The following ITSN1 variants were observed in gnomAD, a reference collection of about 807,000 sequenced individuals.
The protein encoded by ITSN1 is intersectin 1.
ITSN1 carries 58 observed loss-of-function variants against 239.8 expected under a neutral mutation model. That is an observed-to-expected ratio of 0.24 (90% CI 0.20 to 0.30). The LOEUF is 0.30. Among genes scored for constraint, ITSN1 ranks in the 10% least tolerant of loss-of-function variants. The pLI is 1.00. For synonymous variants in ITSN1, 780 were observed against 770.8 expected (o/e 1.01, Z -0.20); for missense variants, 1,558 against 2,103.3 (o/e 0.74, Z 5.07).
At chr21:33,848,289 G>A (rs2075045490) in intron 29 of ITSN1, among the ~76,000 whole-genome samples, 1 of 152,228 alleles carries the variant, frequency 6.6e-6, no homozygotes, top group East Asian at 1.9e-4. Flanking sequence ...AATAAGAGGG[G>A]GAAATGTGGA....
chr21:33,689,568 G>T (rs543807788), intron 1 of ITSN1, among the ~76,000 whole-genome samples: 1 of 152,106 alleles, frequency 6.6e-6, no homozygotes, highest in Non-Finnish European at 1.5e-5. Context: ...CCTAGCTACC[G>T]TAGAGGCTAA....
intron 1 of ITSN1, among the ~76,000 whole-genome samples, chr21:33,682,209 CTTTCT>C (rs1163024080): frequency 1.3e-5 from 2 of 149,914 alleles, no homozygotes; most frequent in Non-Finnish European, 3.0e-5. Flanking sequence ...TAATTCCTTT[CTTTCT>C]TTTCTTTTTT....
At chr21:33,860,693 A>C (rs1482920822) in intron 31 of ITSN1, among the ~76,000 whole-genome samples, 1 of 152,178 alleles carries the variant, frequency 6.6e-6, no homozygotes, top group African/African-American at 2.4e-5. Context: ...CTAAAGTCAC[A>C]CAGTAGGGTG....
Position 33,895,607 on chromosome 21 carries a change from G to GTCTA in ITSN1, c.*7307_*7308insTCTA, listed in dbSNP as rs1986707823. The GTCTA allele has an allele frequency of 6.9e-6, 1 of 144,402 alleles. No individual in the cohort carries two copies. Among genetic ancestry groups the GTCTA allele is most frequent in the African/African-American group, 2.6e-5 (1 of 38,778 alleles). The allele number at this position is 144,402 out of a possible 1,614,324, so 8.9% of individuals were successfully genotyped here. On this transcript the variant is annotated 3_prime_UTR_variant, in exon 40 of 40. Coordinates refer to ENST00000381318, the MANE Select transcript of ITSN1 (RefSeq NM_003024.3). The stretch of plus-strand genomic sequence containing the variant: ...CATGTTTGTGAGTGCATGTGTTTGT[G>GTCTA]CGTGTGTGCGTATTTGTGTGTGTGC...
At chr21:33,648,741 G>T (rs1007267872) in intron 1 of ITSN1, among the ~76,000 whole-genome samples, 1 of 152,148 alleles carries the variant, frequency 6.6e-6, no homozygotes, top group African/African-American at 2.4e-5. Flanking sequence ...TACTAGGGAG[G>T]CTGAGGTGGG....
At chr21:33,697,234 A>ATTTT (rs11419453) in intron 1 of ITSN1, among the ~76,000 whole-genome samples, 9 of 121,678 alleles carry the variant, frequency 7.4e-5, no homozygotes, top group African/African-American at 1.6e-4. Context: ...CACCTGGCTA[A>ATTTT]TTTTTTTTTT....
chr21:33,771,087 T>C lies in ITSN1; in HGVS notation c.1043-974T>C, dbSNP rs115938965. On this transcript the variant is annotated intron_variant, in intron 11 of 39. Coordinates refer to ENST00000381318, the MANE Select transcript of ITSN1 (RefSeq NM_003024.3). The stretch of plus-strand genomic sequence containing the variant: ...AGCCAGGACTTTGAATTTTAAGATA[T>C]CAGAGTAGAGGATACCATCTCCTCT... 4.9e-3 allele frequency among the ~76,000 whole-genome samples: 746 copies of C among 152,230 alleles called. 4 individuals carry two copies. Among genetic ancestry groups the C allele is most frequent in the African/African-American group, 0.017 (702 of 41,532 alleles).
chr21:33,767,566 G>C (rs2068812685), intron 10 of ITSN1, 147 bp from the exon 11 acceptor site: 1 of 440,128 alleles, frequency 2.3e-6, no homozygotes, highest in Non-Finnish European at 4.1e-6. Flanking sequence ...TGTAAATAGA[G>C]AAGACCAAAT....
intron 4 of ITSN1, 62 bp from the exon 5 acceptor site, chr21:33,734,982 G>C (rs1043181127): frequency 6.9e-7 from 1 of 1,443,232 alleles, no homozygotes; most frequent in Non-Finnish European, 9.4e-7. Context: ...GGTGGGAGTG[G>C]TGGTTTTGGA....
At chr21:33,887,375 A>G (rs1416605218) in intron 39 of ITSN1, among the ~76,000 whole-genome samples, 1 of 152,084 alleles carries the variant, frequency 6.6e-6, no homozygotes, top group Non-Finnish European at 1.5e-5. Flanking sequence ...CTTAATTATA[A>G]CCGAAGAAGT....
intron 1 of ITSN1, among the ~76,000 whole-genome samples, chr21:33,677,537 G>A (rs563457981): frequency 3.6e-4 from 54 of 151,848 alleles, no homozygotes; most frequent in African/African-American, 1.3e-3. Flanking sequence ...ACAGGGTTTC[G>A]CCCTGTTGGC....
chr21:33,716,813 A>T (rs1322622333), intron 1 of ITSN1, among the ~76,000 whole-genome samples: 1 of 151,858 alleles, frequency 6.6e-6, no homozygotes, highest in African/African-American at 2.4e-5. Context: ...TTAGCCGGGC[A>T]TGGTGGGGCG....
intron 1 of ITSN1, among the ~76,000 whole-genome samples, chr21:33,646,230 C>G (rs556017120): frequency 2.6e-5 from 4 of 152,242 alleles, no homozygotes; most frequent in African/African-American, 9.6e-5. Context: ...AAGGAGAGAG[C>G]CTTTCCCAGG....
At chr21:33,799,168 A>T (rs541831439) in intron 18 of ITSN1, among the ~76,000 whole-genome samples, 1 of 152,318 alleles carries the variant, frequency 6.6e-6, no homozygotes, top group East Asian at 1.9e-4. Context: ...GCTCATGTGC[A>T]TTTTTAAACA....
chr21:33,752,358 AT>A (rs145878793), intron 7 of ITSN1, among the ~76,000 whole-genome samples: 27,444 of 152,008 alleles, frequency 0.18, 3,463 homozygotes, highest in African/African-American at 0.35. Context: ...TATATGGGTA[AT>A]TAGTAAAATC....
At chr21:33,854,530 C>T (rs1365463317) in intron 29 of ITSN1, among the ~76,000 whole-genome samples, 1 of 152,232 alleles carries the variant, frequency 6.6e-6, no homozygotes, top group African/African-American at 2.4e-5. Context: ...TCCCCCCAAA[C>T]TCGAGTGTTT....
Position 33,781,552 on chromosome 21 carries a change from G to A in ITSN1, c.1684+4G>A. 6.8e-7 allele frequency: 1 copy of A among 1,465,632 alleles called. No homozygotes were observed. Among genetic ancestry groups the A allele is most frequent in the Non-Finnish European group, 9.3e-7 (1 of 1,080,088 alleles). 90.8% of individuals were successfully genotyped at this position (1,465,632 alleles called of 1,614,324 possible). On this transcript the variant is annotated splice_donor_region_variant and intron_variant, in intron 15 of 39. Coordinates refer to ENST00000381318, the MANE Select transcript of ITSN1 (RefSeq NM_003024.3). ...GTTCAGCAGAACAGTTTGCACAGTA[G>A]GTGTTTTATTTTTAAAGTTGACCTT... is the stretch of plus-strand genomic sequence containing the variant.
At chr21:33,699,470 T>C (rs1157620538) in intron 1 of ITSN1, among the ~76,000 whole-genome samples, 2 of 152,170 alleles carry the variant, frequency 1.3e-5, no homozygotes, top group Non-Finnish European at 2.9e-5. Flanking sequence ...CGGTGCCTCA[T>C]GCACTTTGGG....
intron 5 of ITSN1, among the ~76,000 whole-genome samples, chr21:33,742,904 AAGG>A (rs1351448513): frequency 2.0e-5 from 3 of 152,316 alleles, no homozygotes; most frequent in African/African-American, 7.2e-5. Context: ...TATTAGGAAA[AAGG>A]AGAATAAAGG....
Sources: allele counts gnomAD v4.1 joint callset (sites outside exome capture counted in the v4.1 genomes callset), GRCh38; gene constraint gnomAD v4.1.1; transcripts MANE v1.5; gene names NCBI Gene and HGNC (gene_info 2026-07-23, HGNC 2026-07-21).